The following EXOSC3 variants were observed in gnomAD, a reference collection of about 807,000 sequenced individuals.
EXOSC3 encodes exosome component 3.
In EXOSC3, 18 loss-of-function variants were observed where a neutral mutation model predicts 25.1. The ratio of observed to expected loss-of-function variants is 0.72; its 90% CI spans 0.50 to 1.06. The LOEUF (loss-of-function observed/expected upper bound fraction) is 1.06, where lower values mean the gene tolerates loss of function less well. Ranked by LOEUF, EXOSC3 falls within the 50% of genes least tolerant of loss-of-function variation. The pLI, the probability that EXOSC3 is intolerant of heterozygous loss-of-function variation, is 0.00. For synonymous variants in EXOSC3, 165 were observed against 132.2 expected, an observed-to-expected ratio of 1.25 and a Z score of -1.70; for missense variants, 382 against 350.9, an observed-to-expected ratio of 1.09 and a Z score of -0.71.
chr9:37,781,050 G>C (rs537970390), intron 3 of EXOSC3, among the ~76,000 whole-genome samples, 170 bp from the exon 4 acceptor site: 2 of 152,208 alleles, frequency 1.3e-5, no homozygotes, highest in Admixed American at 1.3e-4. Context: ...ACTTTACACT[G>C]TTCAAAGGTA....
intron 3 of EXOSC3, 129 bp downstream of exon 3, chr9:37,781,857 A>G: frequency 1.0e-6 from 1 of 994,096 alleles, no homozygotes; most frequent in Non-Finnish European, 1.5e-6. Context: ...ATGTGTTAAA[A>G]TGGATACTGA....
rs748976233 is a variant in EXOSC3 at position 37,784,785 on chromosome 9, C to T, written c.260G>A (p.Arg87His). 1.9e-6 allele frequency: 3 copies of T among 1,607,318 alleles called. No homozygotes were observed. Among genetic ancestry groups the T allele is most frequent in the East Asian group, 4.5e-5 (2 of 44,788 alleles). Residue 87 changes from arginine to histidine, a missense_variant, in exon 1 of 4, where the codon CGT becomes CAT. By Grantham distance (29) the Arg-to-His change is conservative. Transcript: ENST00000327304. ...RLLVTKCGRLRHKEPGSGSGG... is the reference protein window; with the variant it reads ...RLLVTKCGRLHHKEPGSGSGG... ...GCTGCCACTGCCGGGCTCCTTGTGA[C>T]GGAGGCGGCCGCACTTGGTGACCAG... is the stretch of plus-strand genomic sequence containing the variant.
rs1043165940 is a variant in EXOSC3 at position 37,779,859 on chromosome 9, T to C, written c.*820A>G. On this transcript the variant is annotated 3_prime_UTR_variant, in exon 4 of 4. Transcript: ENST00000327304. ...TGATGTGGATCACCTGGCAGTCTCT[T>C]TACCTCTAAAGGTTTTGGTTAATAT... 2.0e-5 allele frequency: 3 copies of C among 152,178 alleles called. No individual in the cohort carries two copies. Among genetic ancestry groups the C allele is most frequent in the Admixed American group, 1.3e-4 (2 of 15,272 alleles). The allele number at this position is 152,178 out of a possible 1,614,324, so 9.4% of individuals were successfully genotyped here.
At chr9:37,781,900 A>G (rs1425472763) in intron 3 of EXOSC3, 86 bp downstream of exon 3, 69 of 1,429,420 alleles carry the variant, frequency 4.8e-5, no homozygotes, top group Non-Finnish European at 6.3e-5. Context: ...CAAACGTTAC[A>G]AAGAATCTGA....
At chr9:37,783,878 G>A (rs1160673665) in intron 2 of EXOSC3, 36 bp downstream of exon 2, 2 of 1,599,956 alleles carry the variant, frequency 1.3e-6, no homozygotes, top group Non-Finnish European at 8.5e-7. Flanking sequence ...GGGAATGGAT[G>A]TTTGTTTCTT....
rs180683505 is a variant in EXOSC3 at position 37,783,595 on chromosome 9, G to A, written c.474+319C>T. On this transcript the variant is annotated intron_variant, in intron 2 of 3. Coordinates refer to ENST00000327304, the MANE Select transcript of EXOSC3 (RefSeq NM_016042.4). ...CACCTGTCCCTCCTCTAAGCCTACA[G>A]CAGACATCCTTGTCCAGAGGATATG... Among the ~76,000 whole-genome samples, 33 of 152,248 alleles carry A rather than the reference G, an allele frequency of 2.2e-4. No homozygotes were observed. The East Asian group carries it at 6.2e-3, about 28-fold the overall frequency.
intron 3 of EXOSC3, 29 bp downstream of exon 3, chr9:37,781,954 AAGC>A: frequency 1.9e-6 from 3 of 1,585,878 alleles, no homozygotes; most frequent in Non-Finnish European, 2.6e-6. Flanking sequence ...TAATTATAAA[AAGC>A]AGTCAAGCCA....
intron 3 of EXOSC3, chr9:37,781,686 A>C (rs1333332736): frequency 7.0e-6 from 2 of 284,342 alleles, no homozygotes; most frequent in African/African-American, 4.4e-5. Flanking sequence ...CAGTTTTCAC[A>C]TTTGGGCTAA....
At chr9:37,784,217 C>T (rs939228996) in intron 1 of EXOSC3, among the ~76,000 whole-genome samples, 154 bp from the exon 2 acceptor site, 4 of 152,138 alleles carry the variant, frequency 2.6e-5, no homozygotes, top group African/African-American at 9.7e-5. Flanking sequence ...CATAAAGTGC[C>T]GGGTGTGCAG....
chr9:37,783,361 CA>C (rs747131512), intron 2 of EXOSC3, among the ~76,000 whole-genome samples: 2 of 151,984 alleles, frequency 1.3e-5, no homozygotes, highest in Non-Finnish European at 2.9e-5. Flanking sequence ...CAAATAGGAT[CA>C]AAATAGGATT....
At chr9:37,784,661 C>A (rs1828666736) in intron 1 of EXOSC3, 60 bp downstream of exon 1, 5 of 1,488,904 alleles carry the variant, frequency 3.4e-6, no homozygotes, top group Non-Finnish European at 8.9e-7. Context: ...TTTGGGAGGT[C>A]TTCTCAAAGC....
chr9:37,782,616 T>C (rs577172717), intron 2 of EXOSC3, among the ~76,000 whole-genome samples: 1 of 152,304 alleles, frequency 6.6e-6, no homozygotes, highest in African/African-American at 2.4e-5. Context: ...AACTCCGGCA[T>C]GCAAATTATT....
In EXOSC3 at chr9:37,784,047, C is replaced by T. The variant is rs1214027410; in HGVS notation, c.341G>A (p.Gly114Glu). Reference protein sequence around the residue: ...SQQKRYVPVKGDHVIGIVTAK... With the variant: ...SQQKRYVPVKEDHVIGIVTAK... ...TGTCACTATGCCAATCACATGGTCT[C>T]CTTTTACTGGAACATACTACAAAAA... Residue 114 changes from glycine (G) to glutamate (E), a missense_variant, in exon 2 of 4, where the codon GGA (glycine) becomes GAA (glutamate). Transcript: ENST00000327304. 3 of 1,611,042 alleles carry T rather than the reference C, an allele frequency of 1.9e-6. No individual in the cohort carries two copies. The highest frequency in any genetic ancestry group is 2.2e-5 in the East Asian group (1 of 44,746).
At position 37,780,860 on chromosome 9, in the gene EXOSC3, T is replaced by C. The variant is rs1828578016; in HGVS notation, c.647A>G (p.Glu216Gly). The C allele has an allele frequency of 6.2e-7, 1 of 1,613,316 alleles. No homozygotes were observed. The highest frequency in any genetic ancestry group is 1.3e-5 in the African/African-American group (1 of 74,942). Reference sequence around the variant, plus strand: ...GAGTTTTCCCACTTCCTGTATGATTTCACAATCTGGAGCTAATAGCCTGGT... The same window carrying C: ...GAGTTTTCCCACTTCCTGTATGATTCCACAATCTGGAGCTAATAGCCTGGT... ...LIRKLLAPDC[E>G]IIQEVGKLYP... The change falls in exon 4 of 4, where the codon GAA (glutamate) becomes GGA (glycine). Residue 216 changes from glutamate to glycine, a missense_variant. Coordinates refer to ENST00000327304, the MANE Select transcript of EXOSC3 (RefSeq NM_016042.4).
rs1403967376 is a variant in EXOSC3, at chr9:37,783,939, G to A, written c.449C>T (p.Thr150Ile). The A allele has an allele frequency of 1.2e-6, 2 of 1,612,408 alleles. No individual in the cohort carries two copies. Among genetic ancestry groups the A allele is most frequent in the African/African-American group, 2.7e-5 (2 of 74,850 alleles). ...SLSYLSFEGA[T>I]KRNRPNVQVG... is the part of the protein sequence containing the mutation. ...CTGCACATTTGGTCTGTTTCTTTTA[G>A]TTGCACCTTCAAATGACAAGTAAGA... Residue 150 changes from threonine (T) to isoleucine (I), a missense_variant, in exon 2 of 4, where the codon ACT (threonine) becomes ATT (isoleucine). Transcript: ENST00000327304.
intron 2 of EXOSC3, among the ~76,000 whole-genome samples, chr9:37,782,528 T>C (rs1256667079): frequency 6.6e-6 from 1 of 152,242 alleles, no homozygotes; most frequent in Admixed American, 6.5e-5. Context: ...TCAGTGCAGA[T>C]ACAAAACAGC....
chr9:37,782,230 A>G, intron 2 of EXOSC3, 93 bp from the exon 3 acceptor site: 1 of 1,378,212 alleles, frequency 7.3e-7, no homozygotes, highest in South Asian at 1.3e-5. Flanking sequence ...CCAGCCACCT[A>G]CAGTTCTGTG....
Position 37,784,003 on chromosome 9 carries a change from AT to A in EXOSC3, c.384del (p.Phe129SerfsTer74). On this transcript the variant is annotated frameshift_variant, in exon 2 of 4. Transcript: ENST00000327304. LOFTEE classifies it high-confidence loss of function. ...TCACTCCCTCCAACATCAACTTTGA[AT>A]ATATCTCCAGATTTAGCTGTCACTA... is the stretch of plus-strand genomic sequence containing the variant. ...IGIVTAKSGD[I>X]FKVDVGGSEP... 1 of 1,614,116 alleles carries A rather than the reference AT, an allele frequency of 6.2e-7. No homozygotes were observed. The highest frequency in any genetic ancestry group is 8.5e-7 in the Non-Finnish European group (1 of 1,179,996).
At chr9:37,783,325 G>A (rs1828635564) in intron 2 of EXOSC3, among the ~76,000 whole-genome samples, 1 of 152,194 alleles carries the variant, frequency 6.6e-6, no homozygotes, top group African/African-American at 2.4e-5. Flanking sequence ...TAAAGGGACG[G>A]ACATGCCAAA....
Sources: gnomAD v4.1 joint callset for allele counts (sites outside exome capture counted in the v4.1 genomes callset) on GRCh38, gnomAD v4.1.1 for gene constraint, MANE v1.5 for transcripts, NCBI Gene and HGNC (gene_info 2026-07-23, HGNC 2026-07-21) for gene names.